The following CNTNAP5 variants were observed in gnomAD, a reference collection of about 807,000 sequenced individuals.
CNTNAP5 encodes contactin associated protein family member 5, also known as contactin-associated protein-like 5.
In CNTNAP5, 72 loss-of-function variants were observed where a neutral mutation model predicts 150.2. The observed-to-expected ratio is 0.48, with a 90% CI of 0.40 to 0.58. CNTNAP5 has a LOEUF of 0.58. CNTNAP5 is among the 20% of genes least tolerant of loss of function. CNTNAP5 has a pLI of 0.00. For missense variants in CNTNAP5, 1,636 were observed against 1,626.2 expected, an observed-to-expected ratio of 1.01 and a Z score of -0.10; for synonymous variants, 672 against 619.8, an observed-to-expected ratio of 1.08 and a Z score of -1.25.
intron 16 of CNTNAP5, among the ~76,000 whole-genome samples, chr2:124,767,394 G>C (rs80041680): frequency 0.036 from 5,477 of 152,300 alleles, 317 homozygotes; most frequent in African/African-American, 0.13. Flanking sequence ...TAGTGAATGT[G>C]TTTTAGTGGG....
intron 1 of CNTNAP5, among the ~76,000 whole-genome samples, chr2:124,044,929 CACAT>C (rs1284676232): frequency 3.5e-5 from 5 of 141,538 alleles, no homozygotes; most frequent in Middle Eastern, 3.6e-3. Flanking sequence ...CACACACACA[CACAT>C]GAATAAGTGA....
chr2:124,913,443 A>T (rs773822049), intron 23 of CNTNAP5, among the ~76,000 whole-genome samples: 19 of 152,062 alleles, frequency 1.2e-4, no homozygotes, highest in Non-Finnish European at 2.2e-4. Context: ...GGGGAATCTG[A>T]TGGGTCTGGA....
chr2:124,340,804 T>C (rs1310921418), intron 3 of CNTNAP5, among the ~76,000 whole-genome samples: 2 of 107,530 alleles, frequency 1.9e-5, no homozygotes, highest in Non-Finnish European at 2.0e-5. Flanking sequence ...TATATATGTA[T>C]ACATGTATAT....
chr2:124,767,311 G>A (rs1055807491), intron 16 of CNTNAP5, among the ~76,000 whole-genome samples: 3 of 152,152 alleles, frequency 2.0e-5, no homozygotes, highest in Non-Finnish European at 2.9e-5. Context: ...CTTCCAGCCT[G>A]CTTTCAAAGA....
intron 1 of CNTNAP5, among the ~76,000 whole-genome samples, chr2:124,039,678 C>T (rs1238416244): frequency 6.6e-6 from 1 of 152,104 alleles, no homozygotes; most frequent in African/African-American, 2.4e-5. Flanking sequence ...GGGTGCCATT[C>T]ATCACAAAAT....
At chr2:124,134,463 A>G (rs946629288) in intron 1 of CNTNAP5, among the ~76,000 whole-genome samples, 5 of 152,204 alleles carry the variant, frequency 3.3e-5, no homozygotes, top group Non-Finnish European at 7.3e-5. Context: ...TTTGGAAACA[A>G]CATTCTATTA....
At chr2:124,414,637 A>G (rs1311954868) in intron 3 of CNTNAP5, among the ~76,000 whole-genome samples, 1 of 152,154 alleles carries the variant, frequency 6.6e-6, no homozygotes, top group Admixed American at 6.6e-5. Flanking sequence ...CCTATAAAGC[A>G]TTGCCAGGTC....
At chr2:124,663,333 A>G (rs1483898248) in intron 13 of CNTNAP5, among the ~76,000 whole-genome samples, 1 of 152,236 alleles carries the variant, frequency 6.6e-6, no homozygotes, top group African/African-American at 2.4e-5. Context: ...TATTATATAG[A>G]CATAATCTGA....
intron 3 of CNTNAP5, among the ~76,000 whole-genome samples, chr2:124,389,388 C>T (rs969628208): frequency 3.3e-5 from 5 of 152,098 alleles, no homozygotes; most frequent in Non-Finnish European, 7.4e-5. Flanking sequence ...CTGTGACATT[C>T]TTTTGACATT....
intron 9 of CNTNAP5, among the ~76,000 whole-genome samples, chr2:124,525,758 A>C (rs536706287): frequency 6.6e-6 from 1 of 152,270 alleles, no homozygotes; most frequent in Admixed American, 6.5e-5. Context: ...TCTCTGCAAA[A>C]GTTTTTATGA....
intron 11 of CNTNAP5, among the ~76,000 whole-genome samples, chr2:124,571,172 G>A (rs543717933): frequency 6.6e-6 from 1 of 152,300 alleles, no homozygotes; most frequent in Admixed American, 6.5e-5. Context: ...TTGGACTTCA[G>A]TCTAGTTTGG....
rs980762090 is a variant in CNTNAP5, at chr2:124,047,223, C to T, written c.82+21491C>T. Among the ~76,000 whole-genome samples the T allele has an allele frequency of 2.6e-5, 4 of 152,306 alleles. No individual in the cohort carries two copies. The South Asian group carries it at 6.2e-4, about 24-fold the overall frequency. ...CATGGTAAAATATGCTGAATGTTTACAGGTAAGGAAATAGAGGCACCGAAG... is the reference window on the plus strand; with the variant it reads ...CATGGTAAAATATGCTGAATGTTTATAGGTAAGGAAATAGAGGCACCGAAG... On this transcript the variant is annotated intron_variant, in intron 1 of 23. Transcript: ENST00000682447.
intron 3 of CNTNAP5, among the ~76,000 whole-genome samples, chr2:124,331,581 T>C (rs78969285): frequency 1.3e-5 from 2 of 149,014 alleles, no homozygotes; most frequent in Admixed American, 1.3e-4. Flanking sequence ...ATTTTGGAAT[T>C]TTTTTTTTTT....
chr2:124,412,260 C>T (rs62171047), intron 3 of CNTNAP5, among the ~76,000 whole-genome samples: 65,156 of 146,464 alleles, frequency 0.44, 16,169 homozygotes, highest in Non-Finnish European at 0.54. Context: ...ACATTCCATG[C>T]TCATGGGTAG....
At chr2:124,708,442 C>A (rs1679739601) in intron 13 of CNTNAP5, among the ~76,000 whole-genome samples, 1 of 152,184 alleles carries the variant, frequency 6.6e-6, no homozygotes, top group South Asian at 2.1e-4. Flanking sequence ...TCGCTGTCAT[C>A]TCCATTTCCT....
intron 19 of CNTNAP5, among the ~76,000 whole-genome samples, chr2:124,809,121 G>A (rs1333920541): frequency 6.6e-6 from 1 of 152,094 alleles, no homozygotes; most frequent in East Asian, 1.9e-4. Flanking sequence ...TCACCAGACA[G>A]TAAAGCCCAT....
intron 19 of CNTNAP5, among the ~76,000 whole-genome samples, chr2:124,833,564 A>C (rs1340637679): frequency 6.6e-6 from 1 of 152,214 alleles, no homozygotes; most frequent in African/African-American, 2.4e-5. Flanking sequence ...TTATGGAATG[A>C]GGACCTCACC....
intron 3 of CNTNAP5, among the ~76,000 whole-genome samples, chr2:124,295,605 T>C (rs1688407713): frequency 3.3e-5 from 5 of 152,250 alleles, no homozygotes; most frequent in Admixed American, 3.3e-4. Context: ...TTTTCATTAA[T>C]TGACTTAAAA....
chr2:124,499,358 C>A (rs1694224278), intron 7 of CNTNAP5, among the ~76,000 whole-genome samples: 1 of 152,156 alleles, frequency 6.6e-6, no homozygotes, highest in African/African-American at 2.4e-5. Flanking sequence ...CGACTGTAAG[C>A]CCATGGAGAA....
Sources: allele counts gnomAD v4.1 joint callset (sites outside exome capture counted in the v4.1 genomes callset), GRCh38; gene constraint gnomAD v4.1.1; transcripts MANE v1.5; gene names NCBI Gene and HGNC (gene_info 2026-07-23, HGNC 2026-07-21).